Variants in LPIN1 observed in about 807,000 individuals in gnomAD.
LPIN1 encodes the protein phosphatidate phosphatase LPIN1.
A neutral mutation model predicts 107.5 loss-of-function variants in LPIN1; 71 were observed. The observed-to-expected ratio is 0.66, with a 90% CI of 0.55 to 0.80. The LOEUF is 0.80. Among genes scored for constraint, LPIN1 ranks in the 30% least tolerant of loss-of-function variants. The pLI is 0.00. For synonymous variants in LPIN1, 445 were observed against 452.6 expected (o/e 0.98, Z 0.21); for missense variants, 1,043 against 1,160.6 (o/e 0.90, Z 1.47).
chr2:11,760,063 G>C (rs1271386680), intron 1 of LPIN1, among the ~76,000 whole-genome samples: 3 of 142,018 alleles, frequency 2.1e-5, no homozygotes, highest in African/African-American at 7.8e-5. Flanking sequence ...GGGCAGAGGC[G>C]CTCCTCACAT....
chr2:11,724,684 A>G (rs189511578), intron 1 of LPIN1: 103 of 976,098 alleles, frequency 1.1e-4, no homozygotes, highest in Non-Finnish European at 1.2e-4. Flanking sequence ...CGATGCTTCC[A>G]GAGCTTCCCG....
chr2:11,756,567 G>A (rs1412808562), intron 1 of LPIN1, among the ~76,000 whole-genome samples: 2 of 152,140 alleles, frequency 1.3e-5, no homozygotes, highest in East Asian at 3.9e-4. Context: ...TATTTCTGTA[G>A]AGATGGGGTA....
rs201613729 is a variant in LPIN1, at chr2:11,774,018, A to AT, written c.722+275dup. Among the ~76,000 whole-genome samples the AT allele has an allele frequency of 1.5e-4, 23 of 152,330 alleles. No homozygotes were observed. The East Asian group carries it at 4.4e-3, about 29-fold the overall frequency. Reference sequence around the variant, plus strand: ...AAAACATGTAAATTACATCATGCTAATTGTTAATAGGAGAAAACACAGTGG... The same window carrying AT: ...AAAACATGTAAATTACATCATGCTAATTTGTTAATAGGAGAAAACACAGTGG... On this transcript the variant is annotated intron_variant, in intron 5 of 20. Coordinates refer to ENST00000674199, the MANE Select transcript of LPIN1 (RefSeq NM_001349206.2). This position sits in a 1 kb window ranked among gnomAD's most constrained non-coding sequence, Gnocchi z 4.4.
chr2:11,785,650 C>T (rs540547761), intron 10 of LPIN1, among the ~76,000 whole-genome samples: 69 of 152,236 alleles, frequency 4.5e-4, no homozygotes, highest in African/African-American at 1.6e-3. Flanking sequence ...GCACCCCTCC[C>T]GCCCCCTCTC....
At chr2:11,785,827 A>G (rs1316572631) in intron 10 of LPIN1, among the ~76,000 whole-genome samples, 3 of 151,914 alleles carry the variant, frequency 2.0e-5, no homozygotes, top group Admixed American at 2.0e-4. Flanking sequence ...GGCTTTGGGA[A>G]TTTTTTCTTC....
At chr2:11,783,075 C>G (rs1673843709) in intron 8 of LPIN1, among the ~76,000 whole-genome samples, 1 of 152,218 alleles carries the variant, frequency 6.6e-6, no homozygotes, top group African/African-American at 2.4e-5. Context: ...GTTTAATGCA[C>G]TCCTGGCTGT....
At chr2:11,746,129 T>G (rs1392692965), upstream of LPIN1, 1 of 151,900 alleles carries the variant, frequency 6.6e-6, no homozygotes, top group African/African-American at 2.4e-5. Context: ...TGGCCCGGCG[T>G]GGAGAAGCTA....
At chr2:11,689,227 A>C (rs1662153890) in intron 1 of LPIN1, among the ~76,000 whole-genome samples, 1 of 152,222 alleles carries the variant, frequency 6.6e-6, no homozygotes, top group Admixed American at 6.5e-5. Context: ...TCTTAGCCTC[A>C]GTTTACACAT....
chr2:11,705,885 T>C lies in LPIN1; in HGVS notation c.82-7871T>C, dbSNP rs534855725. ...GTTCCTATCCAAATTTCATCTTGAA[T>C]TGTAACTCCCACAATTCCCATGTGT... On this transcript the variant is annotated intron_variant, in intron 1 of 21. Coordinates refer to the LPIN1 transcript ENST00000449576. Among the ~76,000 whole-genome samples the C allele has an allele frequency of 2.0e-5, 3 of 152,330 alleles. No individual in the cohort carries two copies. The East Asian group carries it at 5.8e-4, about 29-fold the overall frequency.
chr2:11,777,505 G>A (rs185323729), intron 6 of LPIN1: 158 of 152,322 alleles, frequency 1.0e-3, no homozygotes, highest in African/African-American at 3.6e-3. Context: ...TCCGCATTTC[G>A]TTCTTCTAGA....
intron 1 of LPIN1, among the ~76,000 whole-genome samples, chr2:11,751,445 T>G (rs1667774230): frequency 6.6e-6 from 1 of 152,020 alleles, no homozygotes; most frequent in Non-Finnish European, 1.5e-5. Context: ...TGAAGATCTC[T>G]TCCTCCTTTT....
chr2:11,724,301 C>T (rs1664380338), upstream of LPIN1: 31 of 974,202 alleles, frequency 3.2e-5, no homozygotes, highest in South Asian at 4.7e-5. Context: ...AGAATCCTGC[C>T]GCCCAACAAT....
intron 1 of LPIN1, among the ~76,000 whole-genome samples, chr2:11,686,271 A>G (rs1661995056): frequency 6.9e-6 from 1 of 145,526 alleles, no homozygotes; most frequent in South Asian, 2.3e-4. Context: ...TTTGGCACTT[A>G]TCATGTGATC....
intron 1 of LPIN1, among the ~76,000 whole-genome samples, chr2:11,727,224 T>G (rs1664756719): frequency 6.6e-6 from 1 of 152,256 alleles, no homozygotes; most frequent in South Asian, 2.1e-4. Context: ...CCTCTTTCTT[T>G]CTACATGTAC....
At position 11,803,185 on chromosome 2, in the gene LPIN1, C is replaced by A; in HGVS notation, c.2013+152C>A. On this transcript the variant is annotated intron_variant, in intron 15 of 20. Coordinates refer to ENST00000674199, the MANE Select transcript of LPIN1 (RefSeq NM_001349206.2). This position sits in a 1 kb window ranked among gnomAD's most constrained non-coding sequence, Gnocchi z 4.2. ...CTCAACTGGGTACCCGCTGTTTCCA[C>A]CCCAACTCCAGCACTATCCAGGCTG... is the stretch of plus-strand genomic sequence containing the variant. 9.5e-7 allele frequency: 1 copy of A among 1,047,788 alleles called. No individual in the cohort carries two copies. The highest frequency in any genetic ancestry group is 1.5e-6 in the Non-Finnish European group (1 of 688,848). 64.9% of individuals were successfully genotyped at this position (1,047,788 alleles called of 1,614,324 possible). A position where few individuals can be genotyped will look rare whatever the true frequency, so the allele number is the denominator to read the frequency against.
chr2:11,801,420 A>G (rs928720689), intron 14 of LPIN1, among the ~76,000 whole-genome samples: 2 of 152,252 alleles, frequency 1.3e-5, no homozygotes, highest in African/African-American at 2.4e-5. Context: ...TACTATTCAG[A>G]CATAAAAAAG....
intron 18 of LPIN1, chr2:11,818,990 C>A (rs1681059860): frequency 1.3e-5 from 2 of 152,872 alleles, no homozygotes; most frequent in African/African-American, 4.8e-5. Flanking sequence ...ATTACTATTT[C>A]ATTCCTGGAA....
intron 5 of LPIN1, 34 bp downstream of exon 5, chr2:11,773,779 G>A: frequency 6.2e-7 from 1 of 1,612,576 alleles, no homozygotes; most frequent in African/African-American, 1.3e-5. Context: ...GCCCAGTGCA[G>A]AGGCTTAGAA....
rs571663516 is a variant in LPIN1, at chr2:11,800,717, A to G, written c.1887-2190A>G. On this transcript the variant is annotated intron_variant, in intron 14 of 20. Coordinates refer to ENST00000674199, the MANE Select transcript of LPIN1 (RefSeq NM_001349206.2). ...AGGGGCGGGGGAAACAGGAGGCAGT[A>G]AGGCGAGAGGAAGTTAGCACTGAGA... Among the ~76,000 whole-genome samples the G allele has an allele frequency of 1.2e-4, 19 of 152,324 alleles. 1 individual carries two copies. In the South Asian group the frequency reaches 3.7e-3, roughly 30 times the overall value.
Sources: allele counts gnomAD v4.1 joint callset (sites outside exome capture counted in the v4.1 genomes callset), GRCh38; gene constraint gnomAD v4.1.1; non-coding constraint Gnocchi (gnomAD v3.1); transcripts MANE v1.5; gene names NCBI Gene and HGNC (gene_info 2026-07-23, HGNC 2026-07-21).